CSMD1: variants seen among roughly 807,000 people sequenced by gnomAD.
CSMD1 encodes CUB and Sushi multiple domains 1.
In CSMD1, 213 loss-of-function variants were observed where a neutral mutation model predicts 417.5. That is an observed-to-expected ratio of 0.51 (90% CI 0.46 to 0.57). CSMD1 has a LOEUF of 0.57. Among genes scored for constraint, CSMD1 ranks in the 20% least tolerant of loss-of-function variants. CSMD1 has a pLI of 0.00. For missense variants in CSMD1, 6,923 were observed against 4,529.7 expected (o/e 1.53, Z -15.17); for synonymous variants, 2,862 against 1,736.8 (o/e 1.65, Z -16.11).
At chr8:3,087,324 G>T in intron 48 of CSMD1, 39 bp from the exon 49 acceptor site, 1 of 1,593,770 alleles carries the variant, frequency 6.3e-7, no homozygotes, top group Non-Finnish European at 8.6e-7. Context: ...AAGTCAACAA[G>T]CAAACAAATG....
intron 5 of CSMD1, among the ~76,000 whole-genome samples, chr8:3,867,373 A>T (rs539149624): frequency 8.4e-4 from 128 of 152,288 alleles, no homozygotes; most frequent in African/African-American, 3.0e-3. Context: ...ATTGAACTTT[A>T]TAATACCCCA....
intron 3 of CSMD1, among the ~76,000 whole-genome samples, chr8:4,063,612 A>C (rs1176562829): frequency 6.6e-6 from 1 of 152,200 alleles, no homozygotes; most frequent in African/African-American, 2.4e-5. Flanking sequence ...GTACGTTTCC[A>C]GTTCAGCGGC....
intron 6 of CSMD1, among the ~76,000 whole-genome samples, chr8:3,744,057 T>C (rs1796944487): frequency 6.6e-6 from 1 of 152,188 alleles, no homozygotes; most frequent in African/African-American, 2.4e-5. Context: ...CTCACAATCC[T>C]CTTCCGAGAA....
At chr8:4,831,391 CA>C (rs1756388701) in intron 1 of CSMD1, among the ~76,000 whole-genome samples, 1 of 152,096 alleles carries the variant, frequency 6.6e-6, no homozygotes. Context: ...TGACAAAGGA[CA>C]AAACTGCCGT....
intron 2 of CSMD1, among the ~76,000 whole-genome samples, chr8:4,544,430 G>C (rs117390464): frequency 0.078 from 11,780 of 151,908 alleles, 550 homozygotes; most frequent in South Asian, 0.13. Context: ...ATAAAATTTT[G>C]TAATAGTTAT....
At chr8:4,113,324 G>C (rs1334138995) in intron 3 of CSMD1, among the ~76,000 whole-genome samples, 1 of 150,050 alleles carries the variant, frequency 6.7e-6, no homozygotes, top group Non-Finnish European at 1.5e-5. Context: ...AAAAAAACTA[G>C]GCCTGCTGCA....
intron 3 of CSMD1, among the ~76,000 whole-genome samples, chr8:4,061,770 C>G (rs973200826): frequency 2.6e-5 from 4 of 152,094 alleles, no homozygotes; most frequent in Non-Finnish European, 5.9e-5. Context: ...TGTTCAGTAC[C>G]TAAAAAGGAG....
intron 2 of CSMD1, among the ~76,000 whole-genome samples, chr8:4,422,964 G>A (rs979364870): frequency 6.6e-6 from 1 of 151,664 alleles, no homozygotes; most frequent in East Asian, 1.9e-4. Context: ...AAAAACATTT[G>A]ACAATAATAA....
At chr8:4,284,061 G>A (rs1385406632) in intron 3 of CSMD1, among the ~76,000 whole-genome samples, 1 of 151,400 alleles carries the variant, frequency 6.6e-6, no homozygotes, top group Admixed American at 6.6e-5. Context: ...TGTGAAACCT[G>A]GTCTCTACTA....
intron 3 of CSMD1, among the ~76,000 whole-genome samples, chr8:4,109,938 G>C (rs1413015314): frequency 1.3e-5 from 2 of 152,102 alleles, no homozygotes; most frequent in African/African-American, 2.4e-5. Context: ...ATAAGATCAT[G>C]ACAATTTGGT....
At chr8:4,473,496 C>A (rs968014278) in intron 2 of CSMD1, among the ~76,000 whole-genome samples, 18 of 152,166 alleles carry the variant, frequency 1.2e-4, no homozygotes, top group African/African-American at 3.9e-4. Flanking sequence ...ATCCAAAGAA[C>A]CCCCACTCCC....
At chr8:4,142,347 T>C (rs1234968866) in intron 3 of CSMD1, among the ~76,000 whole-genome samples, 3 of 151,178 alleles carry the variant, frequency 2.0e-5, no homozygotes, top group African/African-American at 7.4e-5. Context: ...TACGAGGTTA[T>C]GATATTTGGC....
chr8:3,409,953 T>C (rs921443211), intron 12 of CSMD1, among the ~76,000 whole-genome samples: 3 of 152,216 alleles, frequency 2.0e-5, no homozygotes, highest in Non-Finnish European at 2.9e-5. Flanking sequence ...ACCAGTTTAA[T>C]TTTCAACTAT....
chr8:3,745,743 C>T (rs556216416), intron 6 of CSMD1, among the ~76,000 whole-genome samples: 1 of 152,310 alleles, frequency 6.6e-6, no homozygotes, highest in African/African-American at 2.4e-5. Context: ...TAAGCAACAG[C>T]TTCGCCATTC....
chr8:3,658,725 G>A (rs1052511543), intron 7 of CSMD1, among the ~76,000 whole-genome samples: 1 of 152,114 alleles, frequency 6.6e-6, no homozygotes, highest in African/African-American at 2.4e-5. Flanking sequence ...TAAGGTTGCA[G>A]TGAGCCAAGA....
chr8:3,473,871 G>A (rs555383354), intron 11 of CSMD1, among the ~76,000 whole-genome samples: 4 of 152,118 alleles, frequency 2.6e-5, no homozygotes, highest in Non-Finnish European at 5.9e-5. Flanking sequence ...GAGGCCTCAG[G>A]AAACTTACAA....
At chr8:2,955,461 G>C (rs1802930565) in intron 64 of CSMD1, 128 bp downstream of exon 64, 1 of 791,170 alleles carries the variant, frequency 1.3e-6, no homozygotes, top group Non-Finnish European at 2.0e-6. Context: ...GCACGACTGA[G>C]GCAGGTGGCG....
chr8:3,926,116 C>CACACACACACAAACACCAT (rs1563218453), intron 5 of CSMD1, among the ~76,000 whole-genome samples: 12 of 106,912 alleles, frequency 1.1e-4, no homozygotes, highest in African/African-American at 5.2e-4. Context: ...CACACACACA[C>CACACACACACAAACACCAT]ACACACACAC....
At chr8:4,711,122 T>C (rs1034981508) in intron 1 of CSMD1, among the ~76,000 whole-genome samples, 1 of 151,754 alleles carries the variant, frequency 6.6e-6, no homozygotes, top group Non-Finnish European at 1.5e-5. Context: ...TAAGAGAAGT[T>C]TGGTAAAATG....
Sources: allele counts gnomAD v4.1 joint callset (sites outside exome capture counted in the v4.1 genomes callset), GRCh38; gene constraint gnomAD v4.1.1; transcripts MANE v1.5; gene names NCBI Gene and HGNC (gene_info 2026-07-23, HGNC 2026-07-21).